Variants in SLC4A4 observed in about 807,000 individuals in gnomAD.
SLC4A4 encodes the protein electrogenic sodium bicarbonate cotransporter 1.
A neutral mutation model predicts 111.5 loss-of-function variants in SLC4A4; 27 were observed. That is an observed-to-expected ratio of 0.24 (90% CI 0.18 to 0.33). SLC4A4 has a LOEUF of 0.33. Among genes scored for constraint, SLC4A4 ranks in the 10% least tolerant of loss-of-function variants. The pLI, the probability that SLC4A4 is intolerant of heterozygous loss-of-function variation, is 1.00. For missense variants in SLC4A4, 909 were observed against 1,315.5 expected (o/e 0.69, Z 4.78); for synonymous variants, 443 against 463.4 (o/e 0.96, Z 0.57).
chr4:71,522,907 G>A (rs758984211), intron 16 of SLC4A4, among the ~76,000 whole-genome samples: 2 of 152,118 alleles, frequency 1.3e-5, no homozygotes, highest in African/African-American at 4.8e-5. Context: ...TTAGGTGACA[G>A]CATTTAGTTT....
At position 71,445,886 on chromosome 4, in the gene SLC4A4, C is replaced by T. The variant is rs369980655; in HGVS notation, c.966-1760C>T. Among the ~76,000 whole-genome samples, 149 of 152,226 alleles carry T rather than the reference C, an allele frequency of 9.8e-4. No individual in the cohort carries two copies. The Middle Eastern group carries it at 0.01, about 10-fold the overall frequency. On this transcript the variant is annotated intron_variant, in intron 8 of 25. Coordinates refer to ENST00000264485, the MANE Select transcript of SLC4A4 (RefSeq NM_001098484.3). ...GTGGCATATAATTAGGGGCCAGCTTCGAAGGGACAAAAGTTCTAGTGTCAA... is the reference window on the plus strand; with the variant it reads ...GTGGCATATAATTAGGGGCCAGCTTTGAAGGGACAAAAGTTCTAGTGTCAA...
chr4:71,343,338 A>G (rs1311340531), intron 4 of SLC4A4, among the ~76,000 whole-genome samples: 1 of 152,218 alleles, frequency 6.6e-6, no homozygotes, highest in Non-Finnish European at 1.5e-5. Flanking sequence ...AAGGGGACCT[A>G]TGTTTAAAGT....
At chr4:71,226,107 C>T (rs1719031707) in intron 1 of SLC4A4, among the ~76,000 whole-genome samples, 1 of 152,148 alleles carries the variant, frequency 6.6e-6, no homozygotes, top group African/African-American at 2.4e-5. Flanking sequence ...ATTGAACTTT[C>T]TTATAACTTT....
At chr4:71,369,286 C>T (rs1302681462) in intron 6 of SLC4A4, among the ~76,000 whole-genome samples, 1 of 152,196 alleles carries the variant, frequency 6.6e-6, no homozygotes, top group African/African-American at 2.4e-5. Context: ...GTCGTAATTG[C>T]TGACTTATTT....
intron 4 of SLC4A4, among the ~76,000 whole-genome samples, chr4:71,348,995 G>T (rs1273466863): frequency 5.9e-5 from 9 of 152,130 alleles, no homozygotes; most frequent in Admixed American, 5.9e-4. Context: ...CTTTTTGTTA[G>T]TATCATGATG....
At position 71,393,879 on chromosome 4, in the gene SLC4A4, C is replaced by T. The variant is rs552906927; in HGVS notation, c.731-3698C>T. 6.6e-5 allele frequency among the ~76,000 whole-genome samples: 10 copies of T among 152,204 alleles called. No homozygotes were observed. In the East Asian group the frequency reaches 1.7e-3, roughly 26 times the overall value. ...ACCCAAATACTTACAACCAACTGAT[C>T]TCCAACAAAGCAAACAAAAACATAA... On this transcript the variant is annotated intron_variant, in intron 6 of 25. Transcript: ENST00000264485.
chr4:71,302,481 T>C (rs550964117), intron 3 of SLC4A4, among the ~76,000 whole-genome samples: 6 of 152,214 alleles, frequency 3.9e-5, no homozygotes. Context: ...CCCTTATCAA[T>C]GAAAATTACC....
Position 71,085,947 on chromosome 4 carries a change from T to A in SLC4A4, c.-64-6783T>A, listed in dbSNP as rs370416340. ...TTTTTCCAATTCTGTGAAGAAAGTC[T>A]TTGGTAGCTTGATGGGGATGGCATT... is the stretch of plus-strand genomic sequence containing the variant. On this transcript the variant is annotated intron_variant, in intron 1 of 26. Transcript: ENST00000649996. Among the ~76,000 whole-genome samples the A allele has an allele frequency of 7.0e-3, 1,057 of 152,058 alleles. 21 individuals carry two copies. The highest frequency in any genetic ancestry group is 0.024 in the African/African-American group (986 of 41,368).
intron 2 of SLC4A4, among the ~76,000 whole-genome samples, chr4:71,138,652 C>T (rs1231240517): frequency 6.6e-6 from 1 of 152,198 alleles, no homozygotes; most frequent in Non-Finnish European, 1.5e-5. Context: ...ACCTTTATCA[C>T]AGTGATTCAC....
At position 71,300,681 on chromosome 4, in the gene SLC4A4, C is replaced by T. The variant is rs79458974; in HGVS notation, c.254-38689C>T. 2.2e-3 allele frequency: 861 copies of T among 385,998 alleles called. 6 individuals are homozygous for T. The highest frequency in any genetic ancestry group is 0.017 in the African/African-American group (814 of 47,562). The allele number at this position is 385,998 out of a possible 1,614,324, so 23.9% of individuals were successfully genotyped here. On this transcript the variant is annotated intron_variant, in intron 3 of 25. Transcript: ENST00000264485. ...CCAGGATGAGGAGCAGCAGGCCCAG[C>T]GGAGTGATATGTAGGGGCATGGGGC...
At chr4:71,379,872 G>A (rs1717939827) in intron 6 of SLC4A4, among the ~76,000 whole-genome samples, 1 of 151,810 alleles carries the variant, frequency 6.6e-6, no homozygotes, top group South Asian at 2.1e-4. Context: ...AGCTGTTACT[G>A]GGCCACAAAT....
At chr4:71,543,222 A>G (rs1327359717) in intron 18 of SLC4A4, among the ~76,000 whole-genome samples, 1 of 152,132 alleles carries the variant, frequency 6.6e-6, no homozygotes, top group Non-Finnish European at 1.5e-5. Context: ...GTGTATGCAT[A>G]GGCCTTACAA....
Position 71,310,779 on chromosome 4 carries a change from G to A in SLC4A4, c.254-28591G>A, listed in dbSNP as rs1426889709. 3.3e-5 allele frequency among the ~76,000 whole-genome samples: 5 copies of A among 152,140 alleles called. No individual in the cohort carries two copies. In the East Asian group the frequency reaches 7.7e-4, roughly 23 times the overall value. On this transcript the variant is annotated intron_variant, in intron 3 of 25. Coordinates refer to ENST00000264485, the MANE Select transcript of SLC4A4 (RefSeq NM_001098484.3). The stretch of plus-strand genomic sequence containing the variant: ...CTATGAAGAAACTGCATTAACTAAT[G>A]TGCAAAATAACCAGCTAGCATCATG...
chr4:71,244,911 A>G (rs1720532987), intron 2 of SLC4A4, among the ~76,000 whole-genome samples: 2 of 152,174 alleles, frequency 1.3e-5, no homozygotes, highest in South Asian at 4.1e-4. Flanking sequence ...TTGTTTAGTC[A>G]AATAAACCAG....
intron 2 of SLC4A4, among the ~76,000 whole-genome samples, chr4:71,134,517 A>T (rs1743793312): frequency 6.6e-6 from 1 of 152,160 alleles, no homozygotes; most frequent in Non-Finnish European, 1.5e-5. Flanking sequence ...TGGGACTCAA[A>T]TCTTGTTCTA....
chr4:71,424,123 A>G (rs963132343), intron 7 of SLC4A4, among the ~76,000 whole-genome samples: 15 of 152,148 alleles, frequency 9.9e-5, no homozygotes, highest in African/African-American at 3.6e-4. Flanking sequence ...AGAATCTACA[A>G]TGAACTCAAA....
At chr4:71,236,461 G>T (rs2149037779) in intron 1 of SLC4A4, 115 bp from the exon 2 acceptor site, 2 of 933,058 alleles carry the variant, frequency 2.1e-6, no homozygotes, top group Non-Finnish European at 3.3e-6. Flanking sequence ...GAGTGACTCT[G>T]CCCTGCTAAC....
At chr4:71,090,349 G>T (rs1742349844) in intron 1 of SLC4A4, among the ~76,000 whole-genome samples, 1 of 152,130 alleles carries the variant, frequency 6.6e-6, no homozygotes, top group Non-Finnish European at 1.5e-5. Context: ...CTTCCCAGGT[G>T]AGGCAATGCC....
intron 2 of SLC4A4, among the ~76,000 whole-genome samples, chr4:71,143,974 G>T (rs1243237258): frequency 6.6e-6 from 1 of 152,098 alleles, no homozygotes; most frequent in East Asian, 1.9e-4. Flanking sequence ...GTCAATGTTG[G>T]CTTTTGTTGC....
Sources: allele counts gnomAD v4.1 joint callset (sites outside exome capture counted in the v4.1 genomes callset), GRCh38; gene constraint gnomAD v4.1.1; transcripts MANE v1.5; gene names NCBI Gene and HGNC (gene_info 2026-07-23, HGNC 2026-07-21).